Variants in ENTREP2 observed in about 807,000 individuals in gnomAD.
The protein encoded by ENTREP2 is endosomal transmembrane epsin interactor 2.
the ENTREP2 span, among the ~76,000 whole-genome samples, chr15:29,624,055 G>C: frequency 6.6e-6 from 1 of 152,126 alleles, no homozygotes; most frequent in Non-Finnish European, 1.5e-5. Context: ...CCTTCTTTTG[G>C]CCTCTAGTTA....
the ENTREP2 span, among the ~76,000 whole-genome samples, chr15:29,620,951 G>A: frequency 6.6e-6 from 1 of 152,150 alleles, no homozygotes; most frequent in African/African-American, 2.4e-5. Context: ...ACCTCTGGAA[G>A]CAGACAGTAT....
At chr15:29,630,285 C>A in the ENTREP2 span, among the ~76,000 whole-genome samples, 1 of 152,118 alleles carries the variant, frequency 6.6e-6, no homozygotes, top group Admixed American at 6.6e-5. Context: ...TTGAAAAATG[C>A]TGGGCTACTT....
the ENTREP2 span, among the ~76,000 whole-genome samples, chr15:29,339,143 C>T: frequency 6.6e-6 from 1 of 152,220 alleles, no homozygotes; most frequent in African/African-American, 2.4e-5. Context: ...GTGCTACTGC[C>T]CAGCACTAGT....
chr15:29,528,644 C>G, the ENTREP2 span, among the ~76,000 whole-genome samples: 1 of 152,144 alleles, frequency 6.6e-6, no homozygotes, highest in Non-Finnish European at 1.5e-5. Flanking sequence ...CTTCTGATAG[C>G]AAATCAAGTC....
chr15:29,556,640 C>T, the ENTREP2 span, among the ~76,000 whole-genome samples: 2 of 152,206 alleles, frequency 1.3e-5, no homozygotes, highest in African/African-American at 4.8e-5. Context: ...ACCCGGCTGA[C>T]TCCCGCACAT....
the ENTREP2 span, among the ~76,000 whole-genome samples, chr15:29,584,207 T>A: frequency 6.6e-6 from 1 of 152,236 alleles, no homozygotes; most frequent in Non-Finnish European, 1.5e-5. Context: ...ATTTGTAAAC[T>A]GTTGCAGCTC....
chr15:29,486,422 G>A, the ENTREP2 span, among the ~76,000 whole-genome samples: 1 of 152,194 alleles, frequency 6.6e-6, no homozygotes, highest in Non-Finnish European at 1.5e-5. Flanking sequence ...CGGGCACAGT[G>A]GCGCACGCCT....
chr15:29,432,923 G>C, the ENTREP2 span, among the ~76,000 whole-genome samples: 2 of 152,140 alleles, frequency 1.3e-5, no homozygotes, highest in Admixed American at 1.3e-4. Flanking sequence ...ACAGGCACCG[G>C]GTATAATCAC....
At chr15:29,220,377 T>G in the ENTREP2 span, among the ~76,000 whole-genome samples, 1 of 152,238 alleles carries the variant, frequency 6.6e-6, no homozygotes, top group Non-Finnish European at 1.5e-5. Flanking sequence ...CGCACGTTAT[T>G]TTTGGCTCTG....
the ENTREP2 span, among the ~76,000 whole-genome samples, chr15:29,146,576 T>C: frequency 6.6e-6 from 1 of 152,110 alleles, no homozygotes; most frequent in Non-Finnish European, 1.5e-5. Context: ...ACAAATGGTG[T>C]TGGAAACAGA....
At chr15:29,636,388 C>A in the ENTREP2 span, among the ~76,000 whole-genome samples, 10 of 152,318 alleles carry the variant, frequency 6.6e-5, no homozygotes, top group African/African-American at 2.4e-4. Flanking sequence ...CATGAGAACA[C>A]GTCCAGGTGC....
chr15:29,625,994 G>A, the ENTREP2 span, among the ~76,000 whole-genome samples: 1 of 151,820 alleles, frequency 6.6e-6, no homozygotes, highest in Non-Finnish European at 1.5e-5. Context: ...TTACAGGCAT[G>A]TGCCACCACA....
the ENTREP2 span, among the ~76,000 whole-genome samples, chr15:29,490,298 G>A: frequency 2.0e-5 from 3 of 152,154 alleles, no homozygotes; most frequent in African/African-American, 4.8e-5. Flanking sequence ...ACTTCGCTGT[G>A]AGTATTACAG....
the ENTREP2 span, among the ~76,000 whole-genome samples, chr15:29,518,225 C>G: frequency 6.6e-6 from 1 of 151,662 alleles, no homozygotes; most frequent in Admixed American, 6.6e-5. Context: ...CAAAACAAAA[C>G]AAAAAAACTA....
At chr15:29,377,862 T>TAATAATA in the ENTREP2 span, among the ~76,000 whole-genome samples, 44 of 100,976 alleles carry the variant, frequency 4.4e-4, 1 homozygote. Context: ...ATAATAATAA[T>TAATAATA]AAAAAAATGA....
chr15:29,544,769 C>A, the ENTREP2 span, among the ~76,000 whole-genome samples: 7 of 152,170 alleles, frequency 4.6e-5, no homozygotes, highest in African/African-American at 1.7e-4. Flanking sequence ...ACATTCTTCA[C>A]ATGCTAACAG....
the ENTREP2 span, among the ~76,000 whole-genome samples, chr15:29,287,982 G>A: frequency 1.3e-5 from 2 of 152,210 alleles, no homozygotes; most frequent in Non-Finnish European, 2.9e-5. Context: ...AGATGGCACT[G>A]CACAGCTGTG....
chr15:29,186,022 C>T, the ENTREP2 span, among the ~76,000 whole-genome samples: 3 of 152,190 alleles, frequency 2.0e-5, no homozygotes, highest in Non-Finnish European at 2.9e-5. Flanking sequence ...CCATCTGCAG[C>T]ACTTTCTCCA....
the ENTREP2 span, among the ~76,000 whole-genome samples, chr15:29,233,200 T>C: frequency 3.3e-5 from 5 of 152,208 alleles, no homozygotes; most frequent in Admixed American, 6.5e-5. Flanking sequence ...TGATAGCTTT[T>C]GAGCTTACCT....
Sources: gnomAD v4.1 joint callset for allele counts (sites outside exome capture counted in the v4.1 genomes callset) on GRCh38, gnomAD v4.1.1 for gene constraint, MANE v1.5 for transcripts, NCBI Gene and HGNC (gene_info 2026-07-23, HGNC 2026-07-21) for gene names.